ACYP2: variants seen among roughly 807,000 people sequenced by gnomAD.
ACYP2 encodes the protein acylphosphatase 2.
A neutral mutation model predicts 11.2 loss-of-function variants in ACYP2; 12 were observed. The ratio of observed to expected loss-of-function variants is 1.08; its 90% CI spans 0.69 to 1.74. The LOEUF is 1.74. ACYP2 is among the 40% of genes most tolerant of loss of function. The pLI, the probability that ACYP2 is intolerant of heterozygous loss-of-function variation, is 0.00. For synonymous variants in ACYP2, 43 were observed against 32.2 expected (o/e 1.33, Z -1.13); for missense variants, 134 against 101.9 (o/e 1.31, Z -1.35).
At chr2:54,251,993 A>T (rs1241968315) in intron 6 of ACYP2, among the ~76,000 whole-genome samples, 1 of 152,122 alleles carries the variant, frequency 6.6e-6, no homozygotes, top group Non-Finnish European at 1.5e-5. Flanking sequence ...TGACACTCTG[A>T]CTATTGAGTT....
intron 2 of ACYP2, among the ~76,000 whole-genome samples, chr2:54,012,092 C>T (rs187002638): frequency 7.2e-5 from 11 of 152,068 alleles, no homozygotes; most frequent in Non-Finnish European, 1.0e-4. Context: ...AAAAATTAGC[C>T]AGGCGTGGTG....
At chr2:53,995,320 C>T (rs965529091) in intron 2 of ACYP2, among the ~76,000 whole-genome samples, 3 of 152,098 alleles carry the variant, frequency 2.0e-5, no homozygotes, top group East Asian at 1.9e-4. Context: ...GAAAAGATTT[C>T]AGCATGTATA....
chr2:54,180,593 C>T (rs537090267), intron 6 of ACYP2, among the ~76,000 whole-genome samples: 8 of 152,218 alleles, frequency 5.3e-5, no homozygotes, highest in East Asian at 3.9e-4. Flanking sequence ...CTTGCTGTGT[C>T]GCCCAGGCTA....
intron 6 of ACYP2, among the ~76,000 whole-genome samples, chr2:54,234,717 G>T (rs1686396125): frequency 1.3e-5 from 2 of 152,156 alleles, no homozygotes; most frequent in Admixed American, 6.5e-5. Flanking sequence ...CAGATGGTCT[G>T]CCCACTGTGG....
At position 54,189,330 on chromosome 2, in the gene ACYP2, C is replaced by T. The variant is rs752817363; in HGVS notation, c.404+50582C>T. Among the ~76,000 whole-genome samples, 3 of 152,126 alleles carry T rather than the reference C, an allele frequency of 2.0e-5. No homozygotes were observed. The South Asian group carries it at 6.2e-4, about 32-fold the overall frequency. The stretch of plus-strand genomic sequence containing the variant: ...GATCTACATTTCCCTGTTTCCTCCC[C>T]CTCACCCTCCACCTAACCACTGCCT... On this transcript the variant is annotated intron_variant, in intron 6 of 6. Coordinates refer to ENST00000607452, the MANE Select transcript of ACYP2 (RefSeq NM_001320586.2).
At chr2:54,165,278 T>C (rs1682901563) in intron 6 of ACYP2, among the ~76,000 whole-genome samples, 1 of 152,172 alleles carries the variant, frequency 6.6e-6, no homozygotes, top group Non-Finnish European at 1.5e-5. Flanking sequence ...TTTACCTTTT[T>C]GGTTTTGTAT....
At chr2:54,218,967 T>C (rs1017233859) in intron 6 of ACYP2, among the ~76,000 whole-genome samples, 1 of 151,390 alleles carries the variant, frequency 6.6e-6, no homozygotes, top group Non-Finnish European at 1.5e-5. Flanking sequence ...TAAATTGGGA[T>C]TTTTTTTTGG....
chr2:54,171,313 C>G (rs968098376), intron 6 of ACYP2, among the ~76,000 whole-genome samples: 6 of 152,150 alleles, frequency 3.9e-5, no homozygotes. Context: ...CAGCTTTCCT[C>G]CCCATACTGA....
intron 2 of ACYP2, among the ~76,000 whole-genome samples, chr2:53,995,132 G>A (rs897599299): frequency 3.9e-5 from 6 of 152,080 alleles, no homozygotes; most frequent in African/African-American, 1.4e-4. Flanking sequence ...TCTCATAGTT[G>A]CTAAACTCTA....
chr2:54,245,528 GTTTT>G (rs200259172), intron 6 of ACYP2, among the ~76,000 whole-genome samples: 1 of 152,058 alleles, frequency 6.6e-6, no homozygotes, highest in East Asian at 1.9e-4. Context: ...CTGCATCGTT[GTTTT>G]TTGTCTTTTT....
At chr2:54,107,214 C>A (rs1679213801) in intron 4 of ACYP2, among the ~76,000 whole-genome samples, 1 of 151,854 alleles carries the variant, frequency 6.6e-6, no homozygotes, top group African/African-American at 2.4e-5. Context: ...TCATTTTTTT[C>A]CAAAATAAAA....
At chr2:54,124,341 T>A (rs1430927354) in intron 4 of ACYP2, among the ~76,000 whole-genome samples, 8 of 152,148 alleles carry the variant, frequency 5.3e-5, no homozygotes, top group Non-Finnish European at 1.2e-4. Flanking sequence ...ATTATAGGCA[T>A]GTGCCACCAC....
chr2:54,121,889 G>A (rs1680180843), intron 4 of ACYP2, among the ~76,000 whole-genome samples: 1 of 152,212 alleles, frequency 6.6e-6, no homozygotes. Context: ...CCTCTAGTGG[G>A]TCCTTCAAAA....
intron 6 of ACYP2, among the ~76,000 whole-genome samples, chr2:54,180,028 C>T (rs1034367246): frequency 6.6e-6 from 1 of 152,114 alleles, no homozygotes; most frequent in Non-Finnish European, 1.5e-5. Context: ...TGGGGGTTCC[C>T]ATGACCCCTC....
chr2:54,279,109 A>G (rs1332823760), intron 6 of ACYP2, among the ~76,000 whole-genome samples: 1 of 152,240 alleles, frequency 6.6e-6, no homozygotes, highest in Admixed American at 6.5e-5. Flanking sequence ...TTTAAAAACT[A>G]ATATGAAGTA....
At chr2:53,989,626 G>C (rs1672192756) in intron 2 of ACYP2, among the ~76,000 whole-genome samples, 1 of 152,130 alleles carries the variant, frequency 6.6e-6, no homozygotes, top group African/African-American at 2.4e-5. Context: ...AAGCCTAAGG[G>C]ATGAGATTCA....
At chr2:53,973,565 G>T in intron 1 of ACYP2, 1 of 196,096 alleles carries the variant, frequency 5.1e-6, no homozygotes, top group African/African-American at 2.3e-5. Context: ...CCCTTAAGAA[G>T]GTTCTTTGTA....
intron 6 of ACYP2, among the ~76,000 whole-genome samples, chr2:54,209,681 G>A (rs1685244760): frequency 6.6e-6 from 1 of 152,062 alleles, no homozygotes. Context: ...AAAAATGAAA[G>A]CATTTACAAT....
intron 2 of ACYP2, among the ~76,000 whole-genome samples, chr2:53,997,263 C>G (rs1672615653): frequency 6.6e-6 from 1 of 152,118 alleles, no homozygotes; most frequent in Non-Finnish European, 1.5e-5. Context: ...AGAAGTATAT[C>G]AATATGTCTC....
Sources: gnomAD v4.1 joint callset for allele counts (sites outside exome capture counted in the v4.1 genomes callset) on GRCh38, gnomAD v4.1.1 for gene constraint, MANE v1.5 for transcripts, NCBI Gene and HGNC (gene_info 2026-07-23, HGNC 2026-07-21) for gene names.